The following ZNF432 variants were observed in gnomAD, a reference collection of about 807,000 sequenced individuals.
ZNF432 encodes the protein zinc finger protein 432.
Under a neutral mutation model 13.9 loss-of-function variants are expected in ZNF432, and 10 were observed. The ratio of observed to expected loss-of-function variants is 0.72; its 90% CI spans 0.44 to 1.22. The LOEUF (loss-of-function observed/expected upper bound fraction) is 1.22. Among genes scored for constraint, ZNF432 ranks in the 50% most tolerant of loss-of-function variants. The pLI is 0.00. For missense variants in ZNF432, 793 were observed against 796.2 expected (o/e 1.00, Z 0.05); for synonymous variants, 247 against 256.2 (o/e 0.96, Z 0.34).
chr19:52,045,076 C>G (rs2087168463), intron 2 of ZNF432, among the ~76,000 whole-genome samples: 3 of 152,150 alleles, frequency 2.0e-5, no homozygotes, highest in African/African-American at 7.2e-5. Context: ...CAAAGCCATC[C>G]TGAGCTGCAT....
At position 52,034,695 on chromosome 19, in the gene ZNF432, C is replaced by A. The variant is rs1459606503; in HGVS notation, c.984G>T (p.Gly328=). 2 of 1,613,920 alleles carry A rather than the reference C, an allele frequency of 1.2e-6. No individual in the cohort carries two copies. The highest frequency in any genetic ancestry group is 3.3e-5 in the Admixed American group (2 of 59,992). ...GCTGATGTATAATAAGCATGCTCTT[C>A]CCAGTGAAGCCTTTTCCACATTCAC... The part of the protein sequence containing the change: ...ICSECGKGFT[G]KSMLIIHQRT... The change falls in exon 5 of 5, where the codon GGG becomes GGT. Residue 328 remains glycine (G), a synonymous_variant. Coordinates refer to ENST00000221315, the MANE Select transcript of ZNF432 (RefSeq NM_014650.4).
Position 52,033,428 on chromosome 19 carries a change from G to A in ZNF432, c.*292C>T. 2.8e-6 allele frequency: 1 copy of A among 351,488 alleles called. No individual in the cohort carries two copies. The allele number at this position is 351,488 out of a possible 1,614,324, so 21.8% of individuals were successfully genotyped here. ...ACTATGTACCTTACACATTTGTCAT[G>A]TGGACGTTGTCATAGTTTTAATGAA... is the stretch of plus-strand genomic sequence containing the variant. On this transcript the variant is annotated 3_prime_UTR_variant, in exon 5 of 5. Coordinates refer to ENST00000221315, the MANE Select transcript of ZNF432 (RefSeq NM_014650.4).
rs1166542186 is a variant in ZNF432 at position 52,033,910 on chromosome 19, A to G, written c.1769T>C (p.Val590Ala). The change falls in exon 5 of 5, where the codon GTT becomes GCT. Residue 590 changes from valine (V) to alanine (A), a missense_variant. Transcript: ENST00000221315. ...TCCATAAGGTTTTTCTCCAGTATGAACTTGCTTATGTAAAGCAAGCTCTGT... is the reference window on the plus strand; with the variant it reads ...TCCATAAGGTTTTTCTCCAGTATGAGCTTGCTTATGTAAAGCAAGCTCTGT... Reference protein sequence around the residue: ...KETELALHKQVHTGEKPYGCN... With the variant: ...KETELALHKQAHTGEKPYGCN... 6 of 1,613,796 alleles carry G rather than the reference A, an allele frequency of 3.7e-6. No homozygotes were observed. The highest frequency in any genetic ancestry group is 5.1e-6 in the Non-Finnish European group (6 of 1,179,922).
chr19:52,047,085 G>A, intron 1 of ZNF432, 25 bp from the exon 2 acceptor site: 1 of 473,698 alleles, frequency 2.1e-6, no homozygotes, highest in Admixed American at 3.7e-5. Context: ...AACTTTCAGG[G>A]GTACATTCAC....
chr19:52,035,497 T>C lies in ZNF432; in HGVS notation c.239-57A>G, dbSNP rs527471309. ...TAATCTTGTTGGGGATAAAACTGTC[T>C]TCTTAGAAAAAAAAATCCTTGGTGT... On this transcript the variant is annotated intron_variant, in intron 4 of 4. Transcript: ENST00000221315. The C allele has an allele frequency of 2.8e-5, 38 of 1,342,602 alleles. 1 individual carries two copies. The Admixed American group carries it at 7.8e-4, about 27-fold the overall frequency. The allele number at this position is 1,342,602 out of a possible 1,614,324, so 83.2% of individuals were successfully genotyped here. A position where few individuals can be genotyped will look rare whatever the true frequency, so the allele number is the denominator to read the frequency against.
At chr19:52,038,579 C>T (rs578017881) in intron 4 of ZNF432, among the ~76,000 whole-genome samples, 6 of 152,266 alleles carry the variant, frequency 3.9e-5, no homozygotes, top group East Asian at 1.9e-4. Flanking sequence ...CATGAGCCAC[C>T]GCACCTGACC....
In ZNF432 at chr19:52,034,413, A is replaced by G. The variant is rs758120077; in HGVS notation, c.1266T>C (p.Asn422=). 18 of 1,613,710 alleles carry G rather than the reference A, an allele frequency of 1.1e-5. No homozygotes were observed. The East Asian group carries it at 4.0e-4, about 36-fold the overall frequency. ...RKSNLIVHQR[N]HTVEKSYLCS... is the part of the protein sequence containing the mutation. Reference sequence around the variant, plus strand: ...ATAGATATGACTTCTCTACTGTATGATTTCTCTGATGTACAATAAGATTAC... The same window carrying G: ...ATAGATATGACTTCTCTACTGTATGGTTTCTCTGATGTACAATAAGATTAC... Residue 422 remains asparagine (N), a synonymous_variant, in exon 5 of 5, where the codon AAT becomes AAC. Transcript: ENST00000221315.
At chr19:52,041,135 ATATAG>A (rs2087132765) in intron 3 of ZNF432, among the ~76,000 whole-genome samples, 1 of 152,170 alleles carries the variant, frequency 6.6e-6, no homozygotes, top group East Asian at 1.9e-4. Context: ...TAATTAAAAC[ATATAG>A]TATAACAACT....
chr19:52,040,402 G>T, intron 4 of ZNF432, 86 bp downstream of exon 4: 1 of 1,131,626 alleles, frequency 8.8e-7, no homozygotes, highest in Non-Finnish European at 1.3e-6. Context: ...CCTAATGTAG[G>T]CACTGCTTCT....
chr19:52,048,236 A>G (rs965053149), intron 1 of ZNF432, among the ~76,000 whole-genome samples: 1 of 151,516 alleles, frequency 6.6e-6, no homozygotes, highest in Non-Finnish European at 1.5e-5. Flanking sequence ...GTCTCTAGAC[A>G]AAAGACCACC....
intron 4 of ZNF432, 72 bp downstream of exon 4, chr19:52,040,416 T>C (rs2087122651): frequency 1.5e-6 from 2 of 1,323,418 alleles, no homozygotes; most frequent in African/African-American, 1.5e-5. Context: ...TGCTTCTGTG[T>C]CCTCAGACAC....
rs757032515 is a variant in ZNF432 at position 52,034,333 on chromosome 19, C to T, written c.1346G>A (p.Arg449Gln). The change falls in exon 5 of 5, where the codon CGA (arginine) becomes CAA (glutamine). Residue 449 changes from arginine (R) to glutamine (Q), a missense_variant. Coordinates refer to ENST00000221315, the MANE Select transcript of ZNF432 (RefSeq NM_014650.4). ...GTAGGGCTTCTCTCCTGTATGAGTTCGCTGATGTATGATGAGCATGCTTTT... is the reference window on the plus strand; with the variant it reads ...GTAGGGCTTCTCTCCTGTATGAGTTTGCTGATGTATGATGAGCATGCTTTT... ...TVKSMLIIHQ[R>Q]THTGEKPYTC... is the part of the protein sequence containing the mutation. 22 of 1,613,778 alleles carry T rather than the reference C, an allele frequency of 1.4e-5. 1 individual carries two copies. The highest frequency in any genetic ancestry group is 3.3e-4 in the Middle Eastern group (2 of 6,084).
intron 2 of ZNF432, among the ~76,000 whole-genome samples, chr19:52,045,919 C>T (rs1356055020): frequency 6.7e-6 from 1 of 148,834 alleles, no homozygotes; most frequent in African/African-American, 2.5e-5. Flanking sequence ...CCCTTGAACC[C>T]AGGACGTGGA....
intron 4 of ZNF432, among the ~76,000 whole-genome samples, chr19:52,037,216 G>T (rs894626075): frequency 6.6e-6 from 1 of 152,198 alleles, no homozygotes; most frequent in Admixed American, 6.5e-5. Flanking sequence ...ATAGACTCTT[G>T]TGTGGTAATT....
chr19:52,046,799 G>A (rs2087187837), intron 2 of ZNF432, 55 bp downstream of exon 2: 2 of 1,549,886 alleles, frequency 1.3e-6, no homozygotes, highest in South Asian at 1.2e-5. Flanking sequence ...TTTCTTACGG[G>A]TCTCTACAAA....
intron 3 of ZNF432, among the ~76,000 whole-genome samples, chr19:52,041,045 G>A (rs892229400): frequency 2.6e-5 from 4 of 151,930 alleles, no homozygotes; most frequent in East Asian, 1.9e-4. Flanking sequence ...AGGCTGCAGC[G>A]AGCCATGAAG....
At position 52,033,423 on chromosome 19, in the gene ZNF432, G is replaced by C. The variant is rs1312048732; in HGVS notation, c.*297C>G. On this transcript the variant is annotated 3_prime_UTR_variant, in exon 5 of 5. Coordinates refer to ENST00000221315, the MANE Select transcript of ZNF432 (RefSeq NM_014650.4). Reference sequence around the variant, plus strand: ...AAAGGACTATGTACCTTACACATTTGTCATGTGGACGTTGTCATAGTTTTA... The same window carrying C: ...AAAGGACTATGTACCTTACACATTTCTCATGTGGACGTTGTCATAGTTTTA... 1 of 342,236 alleles carries C rather than the reference G, an allele frequency of 2.9e-6. No homozygotes were observed. Among genetic ancestry groups the C allele is most frequent in the Non-Finnish European group, 5.3e-6 (1 of 188,890 alleles). 21.2% of individuals were successfully genotyped at this position (342,236 alleles called of 1,614,324 possible).
In ZNF432 at chr19:52,035,178, A is replaced by C; in HGVS notation, c.501T>G (p.His167Gln). The C allele has an allele frequency of 6.2e-7, 1 of 1,613,510 alleles. No individual in the cohort carries two copies. The highest frequency in any genetic ancestry group is 8.5e-7 in the Non-Finnish European group (1 of 1,179,916). ...CAGAATAAAGTTCTTCATAGTTACC[A>C]TGAAGAAATGATTTCCCATCTCCAC... ...KFSGDGKSFL[H>Q]GNYEELYSAA... Residue 167 changes from histidine to glutamine, a missense_variant, in exon 5 of 5, where the codon CAT becomes CAG. By Grantham distance (24) the His-to-Gln change is conservative. Transcript: ENST00000221315.
chr19:52,036,677 A>G (rs188153193), intron 4 of ZNF432, among the ~76,000 whole-genome samples: 1 of 151,846 alleles, frequency 6.6e-6, no homozygotes, highest in East Asian at 1.9e-4. Flanking sequence ...GGACTGAATG[A>G]CTTTTTTTTT....
Sources: gnomAD v4.1 joint callset for allele counts (sites outside exome capture counted in the v4.1 genomes callset) on GRCh38, gnomAD v4.1.1 for gene constraint, MANE v1.5 for transcripts, NCBI Gene and HGNC (gene_info 2026-07-23, HGNC 2026-07-21) for gene names.